Variants in WWOX observed in about 807,000 individuals in gnomAD.
WWOX encodes the protein WW domain-containing oxidoreductase.
Under a neutral mutation model 46.2 loss-of-function variants are expected in WWOX, and 69 were observed. That is an observed-to-expected ratio of 1.49 (90% confidence interval 1.23 to 1.82). The LOEUF (loss-of-function observed/expected upper bound fraction) is 1.82. WWOX is among the 40% of genes most tolerant of loss of function. The pLI, the probability that WWOX is intolerant of heterozygous loss-of-function variation, is 0.00. For synonymous variants in WWOX, 359 were observed against 202.6 expected, an observed-to-expected ratio of 1.77 and a Z score of -6.56; for missense variants, 919 against 542.6, an observed-to-expected ratio of 1.69 and a Z score of -6.89.
intron 5 of WWOX, among the ~76,000 whole-genome samples, chr16:78,365,575 C>G (rs2081517173): frequency 1.3e-5 from 2 of 152,140 alleles, no homozygotes; most frequent in African/African-American, 2.4e-5. Context: ...TCTGGAATTC[C>G]CTGAATCATA....
At chr16:78,736,759 C>G (rs1246561903) in intron 8 of WWOX, among the ~76,000 whole-genome samples, 1 of 152,082 alleles carries the variant, frequency 6.6e-6, no homozygotes, top group African/African-American at 2.4e-5. Context: ...GCCTCCACAT[C>G]TGACTAATTA....
chr16:78,234,387 G>T (rs932562711), intron 5 of WWOX, among the ~76,000 whole-genome samples: 1 of 152,046 alleles, frequency 6.6e-6, no homozygotes, highest in African/African-American at 2.4e-5. Flanking sequence ...ATACTTGAGG[G>T]TCATGAGAAG....
chr16:78,534,788 C>G (rs1165494361), intron 8 of WWOX, among the ~76,000 whole-genome samples: 1 of 152,040 alleles, frequency 6.6e-6, no homozygotes, highest in African/African-American at 2.4e-5. Flanking sequence ...CAGCTCACTG[C>G]AACCTCCACC....
chr16:78,557,687 G>T (rs182807552), intron 8 of WWOX, among the ~76,000 whole-genome samples: 1 of 110,750 alleles, frequency 9.0e-6, no homozygotes, highest in Admixed American at 8.2e-5. Flanking sequence ...CTCTAGGGAA[G>T]GATTTTTTTT....
chr16:79,205,370 G>A (rs1368625042), intron 8 of WWOX: 1 of 152,156 alleles, frequency 6.6e-6, no homozygotes, highest in Admixed American at 6.5e-5. Context: ...GGAGCCTGAG[G>A]TTTTTCTACC....
At chr16:78,675,620 G>C (rs2738615) in intron 8 of WWOX, among the ~76,000 whole-genome samples, 2 of 152,080 alleles carry the variant, frequency 1.3e-5, no homozygotes, top group African/African-American at 4.8e-5. Context: ...CGCAACCTCA[G>C]ATGTCCCTGG....
intron 8 of WWOX, among the ~76,000 whole-genome samples, chr16:78,568,133 C>A (rs2044619618): frequency 6.6e-6 from 1 of 152,176 alleles, no homozygotes; most frequent in Non-Finnish European, 1.5e-5. Flanking sequence ...TGCATTAATG[C>A]ATGTGACCAG....
chr16:79,053,883 G>C (rs1567517558), intron 8 of WWOX, among the ~76,000 whole-genome samples: 3 of 152,108 alleles, frequency 2.0e-5, no homozygotes, highest in South Asian at 2.1e-4. Context: ...TAAGCAAACA[G>C]CTTTATAGTA....
intron 8 of WWOX, among the ~76,000 whole-genome samples, chr16:78,913,663 T>G (rs2151258856): frequency 6.7e-6 from 1 of 149,788 alleles, no homozygotes. Flanking sequence ...TGCTACAGTT[T>G]TTTTTTTTTC....
intron 8 of WWOX, among the ~76,000 whole-genome samples, chr16:78,566,307 A>G (rs1245865926): frequency 6.6e-6 from 1 of 152,222 alleles, no homozygotes; most frequent in Admixed American, 6.5e-5. Context: ...AGAGGAACAC[A>G]TACATTTAGT....
chr16:78,580,181 C>G (rs1020527378), intron 8 of WWOX, among the ~76,000 whole-genome samples: 4 of 151,628 alleles, frequency 2.6e-5, no homozygotes, highest in Non-Finnish European at 5.9e-5. Flanking sequence ...TCAAGTGATT[C>G]TCCTGCCTCA....
rs1296268836 is a variant in WWOX, at chr16:78,347,335, C to T, written c.517-39525C>T. Reference sequence around the variant, plus strand: ...TTCCCAAGATTTCAGTCATCAAATCCATTCCAATATGACTCCTGTATCCAT... The same window carrying T: ...TTCCCAAGATTTCAGTCATCAAATCTATTCCAATATGACTCCTGTATCCAT... On this transcript the variant is annotated intron_variant, in intron 5 of 8. Transcript: ENST00000566780. Among the ~76,000 whole-genome samples, 6 of 117,792 alleles carry T rather than the reference C, an allele frequency of 5.1e-5. 1 individual carries two copies. Among genetic ancestry groups the T allele is most frequent in the African/African-American group, 1.7e-4 (6 of 34,630 alleles). The allele number at this position is 117,792 out of a possible 152,430, so 77.3% of individuals were successfully genotyped here.
intron 8 of WWOX, among the ~76,000 whole-genome samples, chr16:78,466,783 G>A (rs2084088248): frequency 6.6e-6 from 1 of 152,192 alleles, no homozygotes; most frequent in Admixed American, 6.5e-5. Flanking sequence ...GAGAGGCAGA[G>A]GTTGCAGTGA....
intron 8 of WWOX, among the ~76,000 whole-genome samples, chr16:78,522,442 T>A (rs1258471570): frequency 1.3e-5 from 2 of 152,168 alleles, no homozygotes; most frequent in African/African-American, 4.8e-5. Context: ...TAGTCACTCA[T>A]CCTGCTCTCG....
At chr16:79,111,868 A>G (rs1367937937) in intron 8 of WWOX, among the ~76,000 whole-genome samples, 1 of 152,196 alleles carries the variant, frequency 6.6e-6, no homozygotes, top group East Asian at 1.9e-4. Flanking sequence ...AACAGACTCC[A>G]TCCTGAATTC....
intron 8 of WWOX, chr16:78,899,536 G>T (rs1365842517): frequency 6.6e-6 from 1 of 152,154 alleles, no homozygotes; most frequent in Admixed American, 6.5e-5. Flanking sequence ...TACAGCATCT[G>T]TGGAAACAGT....
intron 8 of WWOX, among the ~76,000 whole-genome samples, chr16:79,041,853 C>T (rs1291321221): frequency 6.6e-6 from 1 of 152,080 alleles, no homozygotes; most frequent in South Asian, 2.1e-4. Context: ...TTACATTCAA[C>T]CTCTGCTTGC....
intron 8 of WWOX, among the ~76,000 whole-genome samples, chr16:78,539,925 T>A (rs564600613): frequency 6.6e-6 from 1 of 152,042 alleles, no homozygotes; most frequent in African/African-American, 2.4e-5. Context: ...AAACCACACT[T>A]ACATTTAAAT....
intron 3 of WWOX, among the ~76,000 whole-genome samples, chr16:78,114,240 A>G (rs1472434141): frequency 6.6e-6 from 1 of 151,930 alleles, no homozygotes; most frequent in African/African-American, 2.4e-5. Flanking sequence ...AGCTGCGACT[A>G]CAGGCGTGTG....
Sources: gnomAD v4.1 joint callset for allele counts (sites outside exome capture counted in the v4.1 genomes callset) on GRCh38, gnomAD v4.1.1 for gene constraint, MANE v1.5 for transcripts, NCBI Gene and HGNC (gene_info 2026-07-23, HGNC 2026-07-21) for gene names.